BAIAP2L1: variants seen among roughly 807,000 people sequenced by gnomAD.
BAIAP2L1 encodes the protein BAR/IMD domain-containing adapter protein 2-like 1.
In BAIAP2L1, 35 loss-of-function variants were observed where a neutral mutation model predicts 66.3. That is an observed-to-expected ratio of 0.53 (90% confidence interval 0.40 to 0.70). The LOEUF (loss-of-function observed/expected upper bound fraction) is 0.70. Ranked by LOEUF, BAIAP2L1 falls within the 30% of genes least tolerant of loss-of-function variation. The pLI is 0.00. For synonymous variants in BAIAP2L1, 269 were observed against 248.7 expected, an observed-to-expected ratio of 1.08 and a Z score of -0.77; for missense variants, 622 against 656.9, an observed-to-expected ratio of 0.95 and a Z score of 0.58.
Position 98,380,078 on chromosome 7 carries a change from C to CT in BAIAP2L1, c.52-17647dup, listed in dbSNP as rs113115306. 3.9e-3 allele frequency among the ~76,000 whole-genome samples: 551 copies of CT among 140,300 alleles called. 5 individuals carry two copies. In the South Asian group the frequency reaches 0.04, roughly 10 times the overall value. 92.0% of individuals were successfully genotyped at this position (140,300 alleles called of 152,430 possible). The stretch of plus-strand genomic sequence containing the variant: ...ACGTATAAATTACACCTCAAAAATG[C>CT]TTTTTTTTTTTTTTTGAGATAGGGA... On this transcript the variant is annotated intron_variant, in intron 1 of 13. Coordinates refer to ENST00000005260, the MANE Select transcript of BAIAP2L1 (RefSeq NM_018842.5).
In BAIAP2L1 at chr7:98,357,587, A is replaced by AG. The variant is rs2115706398; in HGVS notation, c.128-2460_128-2459insC. On this transcript the variant is annotated intron_variant, in intron 2 of 13. Coordinates refer to ENST00000005260, the MANE Select transcript of BAIAP2L1 (RefSeq NM_018842.5). The stretch of plus-strand genomic sequence containing the variant: ...TCTCAAAAAAAAAAAAAAAAAGTAC[A>AG]TATATATTTATATATATATAAAAGT... Among the ~76,000 whole-genome samples the AG allele has an allele frequency of 2.0e-5, 3 of 147,936 alleles. No individual in the cohort carries two copies. In the South Asian group the frequency reaches 6.4e-4, roughly 32 times the overall value.
At chr7:98,329,887 C>G (rs1022262022) in intron 3 of BAIAP2L1, among the ~76,000 whole-genome samples, 1 of 152,078 alleles carries the variant, frequency 6.6e-6, no homozygotes, top group Non-Finnish European at 1.5e-5. Flanking sequence ...CTGTGGATTA[C>G]AGCACAGAGC....
Position 98,400,909 on chromosome 7 carries a change from C to G in BAIAP2L1, c.-57G>C. The G allele has an allele frequency of 6.8e-7, 1 of 1,474,488 alleles. No individual in the cohort carries two copies. The highest frequency in any genetic ancestry group is 9.0e-7 in the Non-Finnish European group (1 of 1,112,826). 91.3% of individuals were successfully genotyped at this position (1,474,488 alleles called of 1,614,324 possible). ...GGACGCGGCTGGGCCTCGTGGCCGC[C>G]GGACTCCGGGCAGCGGGAGGGCCGG... On this transcript the variant is annotated 5_prime_UTR_variant, in exon 1 of 14. Transcript: ENST00000005260.
intron 8 of BAIAP2L1, among the ~76,000 whole-genome samples, 176 bp from the exon 9 acceptor site, chr7:98,310,768 C>A: frequency 6.6e-6 from 1 of 151,932 alleles, no homozygotes; most frequent in South Asian, 2.1e-4. Flanking sequence ...CTCACTGCAA[C>A]CTCCGCCTCC....
chr7:98,381,127 T>C (rs1159498896), intron 1 of BAIAP2L1, among the ~76,000 whole-genome samples: 1 of 152,208 alleles, frequency 6.6e-6, no homozygotes, highest in East Asian at 1.9e-4. Flanking sequence ...TAGAAAATGA[T>C]AACCCAGCTG....
chr7:98,338,578 C>A (rs1801664603), intron 3 of BAIAP2L1, among the ~76,000 whole-genome samples: 1 of 152,198 alleles, frequency 6.6e-6, no homozygotes, highest in Non-Finnish European at 1.5e-5. Context: ...CAAAATCATA[C>A]AATAAATAGC....
chr7:98,305,047 G>GTTTT lies in BAIAP2L1; in HGVS notation c.1242-675_1242-672dup, dbSNP rs59633894. 8.7e-4 allele frequency among the ~76,000 whole-genome samples: 87 copies of GTTTT among 100,334 alleles called. 1 individual carries two copies. Among genetic ancestry groups the GTTTT allele is most frequent in the African/African-American group, 1.3e-3 (30 of 23,536 alleles). The allele number at this position is 100,334 out of a possible 152,430, so 65.8% of individuals were successfully genotyped here. On this transcript the variant is annotated intron_variant, in intron 11 of 13. Transcript: ENST00000005260. ...CGCCCAGCTAATTTTTTTGTTTTTT[G>GTTTT]TTTTTTTTTTTTTTTTTTTTTTTAG...
Position 98,292,528 on chromosome 7 carries a change from AT to A in BAIAP2L1, c.*992del, listed in dbSNP as rs773349337. 1.0e-5 allele frequency: 11 copies of A among 1,069,144 alleles called. No individual in the cohort carries two copies. Among genetic ancestry groups the A allele is most frequent in the Non-Finnish European group, 1.5e-5 (11 of 722,236 alleles). The allele number at this position is 1,069,144 out of a possible 1,614,324, so 66.2% of individuals were successfully genotyped here. ...TCCAGATCCTTGGCAGCCAAAGATG[AT>A]TTCCAGCCCCGGGCTCAGGGCAGCC... On this transcript the variant is annotated 3_prime_UTR_variant, in exon 14 of 14. Transcript: ENST00000005260.
At chr7:98,383,964 G>A (rs13308603) in intron 1 of BAIAP2L1, among the ~76,000 whole-genome samples, 1 of 151,892 alleles carries the variant, frequency 6.6e-6, no homozygotes, top group Non-Finnish European at 1.5e-5. Context: ...GACCAGCCTG[G>A]CCAACAAGGT....
intron 3 of BAIAP2L1, among the ~76,000 whole-genome samples, chr7:98,352,199 T>G (rs1010598933): frequency 2.6e-5 from 4 of 152,006 alleles, no homozygotes; most frequent in Non-Finnish European, 5.9e-5. Context: ...GTCAAGGAAG[T>G]AACTCCTCCT....
chr7:98,331,021 C>T (rs1801483135), intron 3 of BAIAP2L1, among the ~76,000 whole-genome samples: 1 of 152,040 alleles, frequency 6.6e-6, no homozygotes, highest in African/African-American at 2.4e-5. Context: ...GATATCCAAA[C>T]TATATCAAAT....
intron 3 of BAIAP2L1, among the ~76,000 whole-genome samples, chr7:98,354,528 C>G (rs1802076115): frequency 6.6e-6 from 1 of 152,174 alleles, no homozygotes; most frequent in Non-Finnish European, 1.5e-5. Flanking sequence ...AGCCCAGATC[C>G]CCTCGGCAGC....
At chr7:98,358,642 C>T (rs139328882) in intron 2 of BAIAP2L1, among the ~76,000 whole-genome samples, 1 of 152,268 alleles carries the variant, frequency 6.6e-6, no homozygotes, top group Admixed American at 6.5e-5. Flanking sequence ...CAGGCATAAG[C>T]CACCATACCT....
chr7:98,353,168 T>G (rs1802036701), intron 3 of BAIAP2L1, among the ~76,000 whole-genome samples: 3 of 151,244 alleles, frequency 2.0e-5, no homozygotes, highest in African/African-American at 7.3e-5. Flanking sequence ...AAGCAGGATT[T>G]TGGAAAACTT....
At chr7:98,347,636 G>A (rs997083307) in intron 3 of BAIAP2L1, among the ~76,000 whole-genome samples, 6 of 152,048 alleles carry the variant, frequency 3.9e-5, no homozygotes, top group Admixed American at 3.3e-4. Flanking sequence ...TTAGCCGGGC[G>A]CCGTGGCAGG....
chr7:98,317,817 G>A (rs1329499674), intron 5 of BAIAP2L1, among the ~76,000 whole-genome samples: 1 of 150,910 alleles, frequency 6.6e-6, no homozygotes, highest in Non-Finnish European at 1.5e-5. Flanking sequence ...TCTTTACGCT[G>A]GCTGGGACTG....
intron 3 of BAIAP2L1, among the ~76,000 whole-genome samples, chr7:98,329,427 G>C (rs1007101630): frequency 4.6e-5 from 7 of 152,112 alleles, no homozygotes; most frequent in African/African-American, 1.7e-4. Context: ...ACTTCAGGGG[G>C]TCAGTCTTTG....
chr7:98,325,175 G>C (rs918544261), intron 3 of BAIAP2L1, among the ~76,000 whole-genome samples: 1 of 151,904 alleles, frequency 6.6e-6, no homozygotes, highest in Non-Finnish European at 1.5e-5. Context: ...ACAAGGTCAG[G>C]AGTTCGAGAC....
intron 3 of BAIAP2L1, among the ~76,000 whole-genome samples, chr7:98,340,134 T>C (rs947577864): frequency 6.6e-6 from 1 of 152,098 alleles, no homozygotes; most frequent in Non-Finnish European, 1.5e-5. Flanking sequence ...AATCCAAAGA[T>C]TTAAGAGAAC....
Sources: gnomAD v4.1 joint callset for allele counts (sites outside exome capture counted in the v4.1 genomes callset) on GRCh38, gnomAD v4.1.1 for gene constraint, MANE v1.5 for transcripts, NCBI Gene and HGNC (gene_info 2026-07-23, HGNC 2026-07-21) for gene names.